Variants in THOP1 observed in about 807,000 individuals in gnomAD.
THOP1 encodes thimet oligopeptidase 1.
A neutral mutation model predicts 71.8 loss-of-function variants in THOP1; 49 were observed. That is an observed-to-expected ratio of 0.68 (90% confidence interval 0.54 to 0.87). The LOEUF (loss-of-function observed/expected upper bound fraction) is 0.87. THOP1 is among the 40% of genes least tolerant of loss of function. The probability of loss-of-function intolerance (pLI) is 0.00; values close to 1 mark genes in which losing one functional copy is unlikely to be tolerated. For synonymous variants in THOP1, 426 were observed against 421.5 expected (o/e 1.01, Z -0.13); for missense variants, 843 against 975.6 (o/e 0.86, Z 1.81).
rs117816165 is a variant in THOP1 at position 2,805,670 on chromosome 19, C to T, written c.750+494C>T. Among the ~76,000 whole-genome samples the T allele has an allele frequency of 2.3e-3, 357 of 152,274 alleles. No individual in the cohort carries two copies. Among genetic ancestry groups the T allele is most frequent in the Non-Finnish European group, 4.0e-3 (270 of 68,008 alleles). On this transcript the variant is annotated intron_variant, in intron 6 of 12. Coordinates refer to ENST00000307741, the MANE Select transcript of THOP1 (RefSeq NM_003249.5). This position sits in a 1 kb window ranked among gnomAD's most constrained non-coding sequence, Gnocchi z 6.6. ...GGTGTGGTCGGTCAGGTGGTCTCTGCACGTCTCCCATTCGCCATCTGGAAC... is the reference window on the plus strand; with the variant it reads ...GGTGTGGTCGGTCAGGTGGTCTCTGTACGTCTCCCATTCGCCATCTGGAAC...
At chr19:2,803,062 A>G (rs2144772979) in intron 5 of THOP1, among the ~76,000 whole-genome samples, 1 of 152,010 alleles carries the variant, frequency 6.6e-6, no homozygotes, top group Admixed American at 6.5e-5. Context: ...TCGGCCTCTG[A>G]GCCCACTCTT....
Position 2,804,921 on chromosome 19 carries a change from C to G in THOP1, c.590-95C>G. On this transcript the variant is annotated intron_variant, in intron 5 of 12. Coordinates refer to ENST00000307741, the MANE Select transcript of THOP1 (RefSeq NM_003249.5). This position sits in a 1 kb window ranked among gnomAD's most constrained non-coding sequence, Gnocchi z 4.7. Reference sequence around the variant, plus strand: ...CGCTGAGGGCCCCCTTGTAGCTTTCCAGGCAGAGGGGAAGCCCACCCCTTC... The same window carrying G: ...CGCTGAGGGCCCCCTTGTAGCTTTCGAGGCAGAGGGGAAGCCCACCCCTTC... The G allele has an allele frequency of 7.5e-7, 1 of 1,328,544 alleles. No homozygotes were observed. The highest frequency in any genetic ancestry group is 1.0e-6 in the Non-Finnish European group (1 of 991,300). 82.3% of individuals were successfully genotyped at this position (1,328,544 alleles called of 1,614,324 possible).
Position 2,794,830 on chromosome 19 carries a change from C to G in THOP1, c.296C>G (p.Thr99Arg). The G allele has an allele frequency of 1.2e-6, 2 of 1,614,052 alleles. No homozygotes were observed. The highest frequency in any genetic ancestry group is 1.7e-4 in the Middle Eastern group (1 of 6,060). Reference protein sequence around the residue: ...SPSKDIRTASTEADKKLSEFD... With the variant: ...SPSKDIRTASREADKKLSEFD... Reference sequence around the variant, plus strand: ...TCCAAGGACATCCGGACAGCCAGCACAGAGGCCGACAAGAAGCTCTCTGAG... The same window carrying G: ...TCCAAGGACATCCGGACAGCCAGCAGAGAGGCCGACAAGAAGCTCTCTGAG... The change falls in exon 3 of 13, where the codon ACA becomes AGA. Residue 99 changes from threonine to arginine, a missense_variant. Thr to Arg is a moderately conservative substitution (Grantham distance 71, BLOSUM62 -1). Coordinates refer to ENST00000307741, the MANE Select transcript of THOP1 (RefSeq NM_003249.5).
At chr19:2,808,195 T>C (rs188056833) in intron 8 of THOP1, 48 bp from the exon 9 acceptor site, 2 of 1,526,606 alleles carry the variant, frequency 1.3e-6, no homozygotes, top group East Asian at 2.5e-5. Flanking sequence ...CAGGGACTCT[T>C]GCGGTGTCTC....
At chr19:2,787,211 G>A (rs1016329937) in intron 1 of THOP1, among the ~76,000 whole-genome samples, 5 of 152,092 alleles carry the variant, frequency 3.3e-5, no homozygotes, top group Non-Finnish European at 7.4e-5. Flanking sequence ...GGTTTTAGAA[G>A]GTCACTCAGG....
chr19:2,788,382 C>G (rs1042655705), intron 1 of THOP1, among the ~76,000 whole-genome samples: 1 of 152,216 alleles, frequency 6.6e-6, no homozygotes, highest in Admixed American at 6.5e-5. Flanking sequence ...TGCCACTGTC[C>G]CATCCCCTTC....
chr19:2,806,066 G>A (rs527768702), intron 6 of THOP1: 1 of 152,326 alleles, frequency 6.6e-6, no homozygotes, highest in Admixed American at 6.6e-5. Flanking sequence ...GCTCCTCGCT[G>A]TTCAGGGACC....
At position 2,805,136 on chromosome 19, in the gene THOP1, G is replaced by A; in HGVS notation, c.710G>A (p.Arg237Lys). 1.9e-6 allele frequency: 3 copies of A among 1,612,628 alleles called. No homozygotes were observed. Among genetic ancestry groups the A allele is most frequent in the Non-Finnish European group, 2.5e-6 (3 of 1,179,802 alleles). ...AAGAAATGCCACGTGCCTGAGACCA[G>A]GAGGAAAGTGGAGGAGGCCTTCAAC... ...LLKKCHVPETRRKVEEAFNCR... is the reference protein window; with the variant it reads ...LLKKCHVPETKRKVEEAFNCR... Residue 237 changes from arginine to lysine, a missense_variant, in exon 6 of 13, where the codon AGG becomes AAG. Arg to Lys is a conservative substitution (Grantham distance 26, BLOSUM62 2). Transcript: ENST00000307741. This position sits in a 1 kb window ranked among gnomAD's most constrained non-coding sequence, Gnocchi z 6.6.
intron 7 of THOP1, 30 bp from the exon 8 acceptor site, chr19:2,807,412 G>A (rs573752709): frequency 6.5e-6 from 10 of 1,548,386 alleles, no homozygotes; most frequent in African/African-American, 2.7e-5. Context: ...CCCGCGAGGC[G>A]AGAGGCCCAC....
rs1398002106 is a variant in THOP1 at position 2,810,629 on chromosome 19, C to T, written c.1643-11C>T. The T allele has an allele frequency of 6.5e-7, 1 of 1,549,318 alleles. No homozygotes were observed. Among genetic ancestry groups the T allele is most frequent in the Non-Finnish European group, 8.7e-7 (1 of 1,146,688 alleles). On this transcript the variant is annotated splice_polypyrimidine_tract_variant and intron_variant, in intron 10 of 12. Transcript: ENST00000307741. ...GTGCAGAGGCCAGCTCTCTCCTTCC[C>T]TCCCGCCCAGGCCTCTTCAACCTGC...
intron 12 of THOP1, chr19:2,812,474 A>G (rs1324699974): frequency 5.3e-6 from 7 of 1,324,594 alleles, no homozygotes; most frequent in Non-Finnish European, 6.9e-6. Context: ...CTGTCTTCAC[A>G]GCCCAGCAGG....
chr19:2,794,632 T>C lies in THOP1; in HGVS notation c.230-132T>C. On this transcript the variant is annotated intron_variant, in intron 2 of 12. Transcript: ENST00000307741. ...GGCGTGTGCCTCTAGTCCCAGCTAC[T>C]TGGGAGGCTGAGGCAGGAGAGAGTT... 4 of 1,149,764 alleles carry C rather than the reference T, an allele frequency of 3.5e-6. No individual in the cohort carries two copies. In the South Asian group the frequency reaches 6.3e-5, roughly 18 times the overall value. The allele number at this position is 1,149,764 out of a possible 1,614,324, so 71.2% of individuals were successfully genotyped here. A position where few individuals can be genotyped will look rare whatever the true frequency, so the allele number is the denominator to read the frequency against.
chr19:2,811,666 T>C lies in THOP1; in HGVS notation c.1840T>C (p.Trp614Arg), dbSNP rs1916465964. ...GYDAQYYGYLWSEVYSMDMFH... is the reference protein window; with the variant it reads ...GYDAQYYGYLRSEVYSMDMFH... ...CGACGCCCAGTACTACGGGTACCTGTGGAGCGAGGTGTATTCCATGGACAT... is the reference window on the plus strand; with the variant it reads ...CGACGCCCAGTACTACGGGTACCTGCGGAGCGAGGTGTATTCCATGGACAT... Residue 614 changes from tryptophan to arginine, a missense_variant, in exon 12 of 13, where the codon TGG becomes CGG. Coordinates refer to ENST00000307741, the MANE Select transcript of THOP1 (RefSeq NM_003249.5). 1 of 1,613,314 alleles carries C rather than the reference T, an allele frequency of 6.2e-7. No homozygotes were observed. Among genetic ancestry groups the C allele is most frequent in the South Asian group, 1.1e-5 (1 of 91,084 alleles).
rs746869662 is a variant in THOP1, at chr19:2,811,657, G to A, written c.1831G>A (p.Gly611Arg). 6 of 1,613,472 alleles carry A rather than the reference G, an allele frequency of 3.7e-6. No homozygotes were observed. Among genetic ancestry groups the A allele is most frequent in the Middle Eastern group, 1.7e-4 (1 of 6,060 alleles). Residue 611 changes from glycine (G) to arginine (R), a missense_variant, in exon 12 of 13, where the codon GGG becomes AGG. Physicochemically the swap from Gly to Arg is moderately radical, Grantham distance 125. Coordinates refer to ENST00000307741, the MANE Select transcript of THOP1 (RefSeq NM_003249.5). ...AGGTGGCTACGACGCCCAGTACTAC[G>A]GGTACCTGTGGAGCGAGGTGTATTC... ...LAGGYDAQYY[G>R]YLWSEVYSMD...
intron 5 of THOP1, among the ~76,000 whole-genome samples, chr19:2,800,551 TG>T (rs1312428981): frequency 6.6e-6 from 1 of 152,246 alleles, no homozygotes; most frequent in Non-Finnish European, 1.5e-5. Context: ...TAGTTGCCTC[TG>T]AGGTGGTGGG....
At position 2,813,175 on chromosome 19, in the gene THOP1, A is replaced by G; in HGVS notation, c.1969A>G (p.Met657Val). 1 of 1,612,268 alleles carries G rather than the reference A, an allele frequency of 6.2e-7. No homozygotes were observed. The highest frequency in any genetic ancestry group is 8.5e-7 in the Non-Finnish European group (1 of 1,179,704). Residue 657 changes from methionine to valine, a missense_variant, in exon 13 of 13, where the codon ATG becomes GTG. Physicochemically the swap from Met to Val is conservative, Grantham distance 21. Transcript: ENST00000307741. ...CGGCGGTTCCGAGGATGCCAGCGCCATGCTGAGGCGCTTCCTGGGCCGTGA... is the reference window on the plus strand; with the variant it reads ...CGGCGGTTCCGAGGATGCCAGCGCCGTGCTGAGGCGCTTCCTGGGCCGTGA... ...RPGGSEDASA[M>V]LRRFLGRDPK...
chr19:2,795,992 G>T, intron 3 of THOP1, 89 bp from the exon 4 acceptor site: 1 of 990,136 alleles, frequency 1.0e-6, no homozygotes, highest in Non-Finnish European at 1.6e-6. Flanking sequence ...ACGGGGGCCG[G>T]ATGATCAGGT....
In THOP1 at chr19:2,801,659, C is replaced by T. The variant is rs897451797; in HGVS notation, c.589+1868C>T. Among the ~76,000 whole-genome samples, 1 of 152,210 alleles carries T rather than the reference C, an allele frequency of 6.6e-6. No homozygotes were observed. Among genetic ancestry groups the T allele is most frequent in the African/African-American group, 2.4e-5 (1 of 41,450 alleles). On this transcript the variant is annotated intron_variant, in intron 5 of 12. Coordinates refer to ENST00000307741, the MANE Select transcript of THOP1 (RefSeq NM_003249.5). This position sits in a 1 kb window ranked among gnomAD's most constrained non-coding sequence, Gnocchi z 5.1. Reference sequence around the variant, plus strand: ...TGTAGTTTATAAGAAAAGGAATTAACTTGTCACAGCTCTGGAGGCTGAGAA... The same window carrying T: ...TGTAGTTTATAAGAAAAGGAATTAATTTGTCACAGCTCTGGAGGCTGAGAA...
intron 1 of THOP1, 128 bp downstream of exon 1, chr19:2,785,806 C>T (rs1292465338): frequency 1.0e-5 from 9 of 881,516 alleles, no homozygotes; most frequent in South Asian, 4.1e-5. Flanking sequence ...GGAGGGGCAG[C>T]GGGGGAGGTG....
Sources: gnomAD v4.1 joint callset for allele counts (sites outside exome capture counted in the v4.1 genomes callset) on GRCh38, gnomAD v4.1.1 for gene constraint, Gnocchi (gnomAD v3.1) non-coding constraint, MANE v1.5 for transcripts, NCBI Gene and HGNC (gene_info 2026-07-23, HGNC 2026-07-21) for gene names.